Variants in PLEKHA6 observed in about 807,000 individuals in gnomAD.
The protein encoded by PLEKHA6 is pleckstrin homology domain-containing family A member 6.
Under a neutral mutation model 116.7 loss-of-function variants are expected in PLEKHA6, and 60 were observed. That is an observed-to-expected ratio of 0.51 (90% CI 0.42 to 0.64). The LOEUF (loss-of-function observed/expected upper bound fraction) is 0.64, where lower values mean the gene tolerates loss of function less well. Among genes scored for constraint, PLEKHA6 ranks in the 30% least tolerant of loss-of-function variants. The probability of loss-of-function intolerance (pLI) is 0.00; values close to 1 mark genes in which losing one functional copy is unlikely to be tolerated. For synonymous variants in PLEKHA6, 489 were observed against 556.1 expected (o/e 0.88, Z 1.70); for missense variants, 1,338 against 1,422.7 (o/e 0.94, Z 0.96).
chr1:204,274,759 G>C lies in PLEKHA6; in HGVS notation c.-44C>G. The C allele has an allele frequency of 1.0e-6, 1 of 985,916 alleles. No individual in the cohort carries two copies. Among genetic ancestry groups the C allele is most frequent in the Non-Finnish European group, 1.2e-6 (1 of 829,980 alleles). 61.1% of individuals were successfully genotyped at this position (985,916 alleles called of 1,614,324 possible). On this transcript the variant is annotated 5_prime_UTR_variant, in exon 2 of 23. Transcript: ENST00000272203. ...CAAGTCAAATTTTTTGTTTTCCTCT[G>C]GGACCTGGCCAGTCACTGGGTGTAG...
chr1:204,359,583 C>T (rs916301089), intron 1 of PLEKHA6, 111 bp downstream of exon 1: 12 of 984,164 alleles, frequency 1.2e-5, no homozygotes, highest in Non-Finnish European at 8.4e-6. Flanking sequence ...GCCAGTGCTC[C>T]GCAGTGCAAG....
At chr1:204,328,046 TTTTATTTATTTATTTA>T (rs200664605) in intron 1 of PLEKHA6, among the ~76,000 whole-genome samples, 9,959 of 142,492 alleles carry the variant, frequency 0.07, 403 homozygotes, top group African/African-American at 0.11. Context: ...CTTTTATTTA[TTTTATTTATTTATTTA>T]TTTATTTATT....
At chr1:204,362,701 C>T (rs1673582987), upstream of PLEKHA6, among the ~76,000 whole-genome samples, 1 of 152,206 alleles carries the variant, frequency 6.6e-6, no homozygotes, top group Non-Finnish European at 1.5e-5. Flanking sequence ...TACACACCAC[C>T]ACATGCAGCT....
chr1:204,305,348 A>G (rs906805811), intron 1 of PLEKHA6, among the ~76,000 whole-genome samples: 2 of 152,192 alleles, frequency 1.3e-5, no homozygotes, highest in African/African-American at 4.8e-5. Context: ...GGCACGCTGG[A>G]TTAGGAGTTG....
chr1:204,313,102 T>A lies in PLEKHA6; in HGVS notation c.-94-38293A>T, dbSNP rs1485378487. On this transcript the variant is annotated intron_variant, in intron 1 of 22. Coordinates refer to ENST00000272203, the MANE Select transcript of PLEKHA6 (RefSeq NM_014935.5). ...TCCCTTCCCTCCCTCCCTCCTTCCC[T>A]CCTTCCTTCCTTCCTTGCGTTGCCC... Among the ~76,000 whole-genome samples, 4 of 107,578 alleles carry A rather than the reference T, an allele frequency of 3.7e-5. No individual in the cohort carries two copies. In the Admixed American group the frequency reaches 5.1e-4, roughly 14 times the overall value. 70.6% of individuals were successfully genotyped at this position (107,578 alleles called of 152,430 possible).
At chr1:204,254,135 G>T (rs941760127) in intron 9 of PLEKHA6, among the ~76,000 whole-genome samples, 3 of 152,232 alleles carry the variant, frequency 2.0e-5, no homozygotes, top group African/African-American at 4.8e-5. Context: ...AAGGCACTTT[G>T]GATCTTGTTT....
chr1:204,360,688 C>CA (rs1259191181), upstream of PLEKHA6, among the ~76,000 whole-genome samples: 3 of 152,046 alleles, frequency 2.0e-5, no homozygotes, highest in South Asian at 2.1e-4. Flanking sequence ...TAATAATAAA[C>CA]AAAAAATGCA....
At chr1:204,299,204 C>T (rs181881214) in intron 1 of PLEKHA6, among the ~76,000 whole-genome samples, 1 of 152,276 alleles carries the variant, frequency 6.6e-6, no homozygotes, top group Non-Finnish European at 1.5e-5. Flanking sequence ...CCCAAAGTCT[C>T]CATCTAGACT....
intron 1 of PLEKHA6, among the ~76,000 whole-genome samples, chr1:204,306,696 C>A (rs985425515): frequency 6.6e-6 from 1 of 152,122 alleles, no homozygotes; most frequent in Non-Finnish European, 1.5e-5. Flanking sequence ...AGATAGATAC[C>A]GGGGACTCCA....
At chr1:204,370,505 A>C (rs961020509) in intron 2 of PLEKHA6, among the ~76,000 whole-genome samples, 3 of 152,262 alleles carry the variant, frequency 2.0e-5, no homozygotes, top group Admixed American at 2.0e-4. Context: ...ATGGCTGTTC[A>C]GTTAAAGTAC....
chr1:204,235,179 A>G (rs10900563), intron 17 of PLEKHA6, among the ~76,000 whole-genome samples: 73,276 of 150,658 alleles, frequency 0.49, 18,013 homozygotes, highest in African/African-American at 0.56. Context: ...GCTGCTTAAT[A>G]TGATTAGACC....
Position 204,264,952 on chromosome 1 carries a change from T to G in PLEKHA6, c.371A>C (p.His124Pro). The change falls in exon 6 of 23, where the codon CAC becomes CCC. Residue 124 changes from histidine to proline, a missense_variant. By Grantham distance (77) the His-to-Pro change is moderately conservative (BLOSUM62 -2). This residue lies in a region of PLEKHA6 where 140 missense variants were observed against 197.4 expected (regional missense o/e 0.71). Transcript: ENST00000272203. ...GGAAGGCCAACTGACCTTAAACGTG[T>G]GTTTCCGGCTGATGTTGTCTGAGGG... ...VQPSDNISRK[H>P]TFKAEHAGVR... is the part of the protein sequence containing the mutation. The G allele has an allele frequency of 6.2e-7, 1 of 1,613,360 alleles. No homozygotes were observed. The highest frequency in any genetic ancestry group is 8.5e-7 in the Non-Finnish European group (1 of 1,179,270).
chr1:204,373,770 C>CTA (rs1207140591), intron 1 of PLEKHA6, among the ~76,000 whole-genome samples: 1 of 152,082 alleles, frequency 6.6e-6, no homozygotes. Flanking sequence ...TGGACACCTG[C>CTA]TACAGGAAGA....
chr1:204,265,008 G>C lies in PLEKHA6; in HGVS notation c.315C>G (p.Pro105=), dbSNP rs202239546. ...CTGCGGCTACCCGGAAGCTCAGGAG[G>C]GGGATGCTGCCCAGGATACTCTCTT... ...EKEESILGSI[P]LLSFRVAAVQ... Residue 105 remains proline, a synonymous_variant, in exon 6 of 23, where the codon CCC becomes CCG. Transcript: ENST00000272203. The C allele has an allele frequency of 6.8e-6, 11 of 1,613,966 alleles. No individual in the cohort carries two copies. In the East Asian group the frequency reaches 2.2e-4, roughly 33 times the overall value.
At chr1:204,227,633 T>A (rs746319330) in intron 21 of PLEKHA6, among the ~76,000 whole-genome samples, 1 of 152,206 alleles carries the variant, frequency 6.6e-6, no homozygotes, top group Non-Finnish European at 1.5e-5. Flanking sequence ...GCCCTCACTA[T>A]CTTTTCTTGG....
chr1:204,337,708 C>G (rs1204828782), intron 1 of PLEKHA6, among the ~76,000 whole-genome samples: 1 of 148,346 alleles, frequency 6.7e-6, no homozygotes, highest in Non-Finnish European at 1.5e-5. Context: ...AGATGGCGGT[C>G]TCTCACTTGG....
chr1:204,262,281 G>A (rs957226688), intron 6 of PLEKHA6, among the ~76,000 whole-genome samples: 13 of 152,282 alleles, frequency 8.5e-5, no homozygotes, highest in Admixed American at 3.3e-4. Flanking sequence ...TCAGGGAATC[G>A]CAGTGCTAAG....
At chr1:204,235,892 G>T (rs760894551) in intron 17 of PLEKHA6, among the ~76,000 whole-genome samples, 12 of 152,110 alleles carry the variant, frequency 7.9e-5, no homozygotes, top group Admixed American at 2.6e-4. Context: ...AACAGTCAAG[G>T]CCTCCCCTGA....
At chr1:204,312,250 A>G (rs77114989) in intron 1 of PLEKHA6, among the ~76,000 whole-genome samples, 1,574 of 152,328 alleles carry the variant, frequency 0.01, 18 homozygotes, top group Non-Finnish European at 0.014. Flanking sequence ...TGTCCCTGAA[A>G]TGTGCAGAAA....
Sources: allele counts gnomAD v4.1 joint callset (sites outside exome capture counted in the v4.1 genomes callset), GRCh38; gene constraint gnomAD v4.1.1; regional missense constraint gnomAD v4.1.1; transcripts MANE v1.5; gene names NCBI Gene and HGNC (gene_info 2026-07-23, HGNC 2026-07-21).